The following POMT1 variants were observed in gnomAD, a reference collection of about 807,000 sequenced individuals.
The protein encoded by POMT1 is protein O-mannosyltransferase 1.
Under a neutral mutation model 101.6 loss-of-function variants are expected in POMT1, and 85 were observed. The observed-to-expected ratio is 0.84, with a 90% confidence interval of 0.70 to 1.00. The LOEUF (loss-of-function observed/expected upper bound fraction) is 1.00. POMT1 is among the 50% of genes least tolerant of loss of function. The probability of loss-of-function intolerance (pLI) is 0.00; values close to 1 mark genes in which losing one functional copy is unlikely to be tolerated. For synonymous variants in POMT1, 371 were observed against 383.0 expected (o/e 0.97, Z 0.37); for missense variants, 857 against 930.4 (o/e 0.92, Z 1.03).
chr9:131,512,210 C>A, intron 11 of POMT1, 74 bp downstream of exon 11: 1 of 1,571,170 alleles, frequency 6.4e-7, no homozygotes. Context: ...GGGATGCAGT[C>A]CTGGGCCCCC....
rs895817069 is a variant in POMT1, at chr9:131,519,054, A to G, written c.1486+97A>G. The G allele has an allele frequency of 6.4e-7, 1 of 1,570,710 alleles. No homozygotes were observed. Among genetic ancestry groups the G allele is most frequent in the Non-Finnish European group, 8.6e-7 (1 of 1,159,178 alleles). ...GAGTTCTCATTTTGGTGGGAAGGGAACTGAGCACATTCTCCATGCTCGGTG... is the reference window on the plus strand; with the variant it reads ...GAGTTCTCATTTTGGTGGGAAGGGAGCTGAGCACATTCTCCATGCTCGGTG... On this transcript the variant is annotated intron_variant, in intron 15 of 19. Coordinates refer to ENST00000402686, the MANE Select transcript of POMT1 (RefSeq NM_001077365.2). The surrounding 1 kb of genome is among the most constrained non-coding windows in gnomAD (Gnocchi z 4.3).
chr9:131,519,306 C>A lies in POMT1; in HGVS notation c.1487-83C>A. Reference sequence around the variant, plus strand: ...CTTTGTTAGAAAGGCAGGAAGCCAGCTTTTTGCTGCACTGACAGCTTCTGC... The same window carrying A: ...CTTTGTTAGAAAGGCAGGAAGCCAGATTTTTGCTGCACTGACAGCTTCTGC... On this transcript the variant is annotated intron_variant, in intron 15 of 19. Coordinates refer to ENST00000402686, the MANE Select transcript of POMT1 (RefSeq NM_001077365.2). This position sits in a 1 kb window ranked among gnomAD's most constrained non-coding sequence, Gnocchi z 4.3. The A allele has an allele frequency of 1.4e-6, 2 of 1,382,322 alleles. No homozygotes were observed. The highest frequency in any genetic ancestry group is 2.0e-6 in the Non-Finnish European group (2 of 998,402). 85.6% of individuals were successfully genotyped at this position (1,382,322 alleles called of 1,614,324 possible).
chr9:131,513,341 C>T lies in POMT1; in HGVS notation c.1175+10C>T, dbSNP rs1292261993. On this transcript the variant is annotated intron_variant, in intron 12 of 19. Coordinates refer to ENST00000402686, the MANE Select transcript of POMT1 (RefSeq NM_001077365.2). ...CCCGCTCCCTGAACACGTGAGTGTG[C>T]CCGCCGTCTGCTCTGCTGCACCTGT... The T allele has an allele frequency of 6.2e-7, 1 of 1,607,630 alleles. No individual in the cohort carries two copies. The highest frequency in any genetic ancestry group is 1.3e-5 in the African/African-American group (1 of 74,920).
rs201073763 is a variant in POMT1 at position 131,510,349 on chromosome 9, G to C, written c.789G>C (p.Leu263Phe). ...VLYLLFFYVHLILVFRSGPHD... is the reference protein window; with the variant it reads ...VLYLLFFYVHFILVFRSGPHD... ...ACTTACTGTTCTTCTACGTCCACTT[G>C]ATTCTAGTCTTCCGCTCTGGGCCCC... The change falls in exon 9 of 20, where the codon TTG (leucine) becomes TTC (phenylalanine). Residue 263 changes from leucine (L) to phenylalanine (F), a missense_variant. Physicochemically the swap from Leu to Phe is conservative, Grantham distance 22. Coordinates refer to ENST00000402686, the MANE Select transcript of POMT1 (RefSeq NM_001077365.2). 375 of 1,614,070 alleles carry C rather than the reference G, an allele frequency of 2.3e-4. No homozygotes were observed. The highest frequency in any genetic ancestry group is 3.0e-4 in the Non-Finnish European group (356 of 1,180,036).
intron 18 of POMT1, among the ~76,000 whole-genome samples, chr9:131,521,778 C>T (rs143189520): frequency 2.0e-5 from 3 of 152,322 alleles, no homozygotes; most frequent in Middle Eastern, 3.4e-3. Flanking sequence ...TCGAGTGCAG[C>T]GTATTGGGCA....
chr9:131,511,921 G>T lies in POMT1; in HGVS notation c.987-120G>T, dbSNP rs565295280. The T allele has an allele frequency of 1.0e-4, 97 of 962,146 alleles. 1 individual carries two copies. In the East Asian group the frequency reaches 2.4e-3, roughly 24 times the overall value. 59.6% of individuals were successfully genotyped at this position (962,146 alleles called of 1,614,324 possible). On this transcript the variant is annotated intron_variant, in intron 10 of 19. Coordinates refer to ENST00000402686, the MANE Select transcript of POMT1 (RefSeq NM_001077365.2). ...ACACAGGGTCTCACTATGTTGCCCAGGCTGGTCTCAAACTCCTGGGCTCAA... is the reference window on the plus strand; with the variant it reads ...ACACAGGGTCTCACTATGTTGCCCATGCTGGTCTCAAACTCCTGGGCTCAA...
At chr9:131,513,440 T>C in intron 12 of POMT1, 109 bp downstream of exon 12, 1 of 999,480 alleles carries the variant, frequency 1.0e-6, no homozygotes, top group Non-Finnish European at 1.5e-6. Flanking sequence ...TGTCTACCCA[T>C]CATCTGCATG....
intron 10 of POMT1, 124 bp downstream of exon 10, chr9:131,511,591 C>T (rs1947124283): frequency 7.4e-7 from 1 of 1,353,948 alleles, no homozygotes; most frequent in Non-Finnish European, 1.0e-6. Flanking sequence ...GTTGAGCAGC[C>T]CGGGTGCTGA....
Position 131,510,343 on chromosome 9 carries a change from C to T in POMT1, c.783C>T (p.Val261=), listed in dbSNP as rs765387571. The T allele has an allele frequency of 2.1e-5, 34 of 1,614,074 alleles. No homozygotes were observed. The highest frequency in any genetic ancestry group is 2.8e-5 in the Non-Finnish European group (33 of 1,180,010). ...PVVLYLLFFY[V]HLILVFRSGP... The stretch of plus-strand genomic sequence containing the variant: ...TCCTGTACTTACTGTTCTTCTACGT[C>T]CACTTGATTCTAGTCTTCCGCTCTG... The change falls in exon 9 of 20, where the codon GTC becomes GTT. Residue 261 remains valine (V), a synonymous_variant. Coordinates refer to ENST00000402686, the MANE Select transcript of POMT1 (RefSeq NM_001077365.2).
chr9:131,504,456 GT>G (rs1413750702), intron 2 of POMT1, 116 bp downstream of exon 2: 4 of 1,492,834 alleles, frequency 2.7e-6, no homozygotes, highest in African/African-American at 1.4e-5. Flanking sequence ...GGTGATAGGT[GT>G]TTTTGGCAGT....
rs143617656 is a variant in POMT1 at position 131,522,126 on chromosome 9, G to A, written c.1905G>A (p.Met635Ile). Residue 635 changes from methionine (M) to isoleucine (I), a missense_variant, in exon 19 of 20, where the codon ATG becomes ATA. Transcript: ENST00000402686. The surrounding 1 kb of genome is among the most constrained non-coding windows in gnomAD (Gnocchi z 5.5). ...TGAACTACCTCCCGTTCTTCCTGAT[G>A]GAGAAGACACTCTTCCTCTACCACT... ...WAVNYLPFFLMEKTLFLYHYL... is the reference protein window; with the variant it reads ...WAVNYLPFFLIEKTLFLYHYL... 6.2e-7 allele frequency: 1 copy of A among 1,614,128 alleles called. No homozygotes were observed. The highest frequency in any genetic ancestry group is 8.5e-7 in the Non-Finnish European group (1 of 1,180,038).
chr9:131,511,313 A>G (rs760615776), intron 9 of POMT1, 24 bp from the exon 10 acceptor site: 8 of 1,599,298 alleles, frequency 5.0e-6, no homozygotes, highest in African/African-American at 1.3e-5. Context: ...TCTCTCACTC[A>G]TCAACCTTCT....
chr9:131,522,678 T>G lies in POMT1; in HGVS notation c.2004-254T>G. Reference sequence around the variant, plus strand: ...AAGCCACACAAGGGAGGACCGTGGGTTTGGGACCAGTCCTCTGGCATCTGT... The same window carrying G: ...AAGCCACACAAGGGAGGACCGTGGGGTTGGGACCAGTCCTCTGGCATCTGT... On this transcript the variant is annotated intron_variant, in intron 19 of 19. Transcript: ENST00000402686. The surrounding 1 kb of genome is among the most constrained non-coding windows in gnomAD (Gnocchi z 5.5). The G allele has an allele frequency of 1.7e-6, 1 of 587,364 alleles. No individual in the cohort carries two copies. The highest frequency in any genetic ancestry group is 3.0e-6 in the Non-Finnish European group (1 of 329,540). The allele number at this position is 587,364 out of a possible 1,614,324, so 36.4% of individuals were successfully genotyped here. A position where few individuals can be genotyped will look rare whatever the true frequency, so the allele number is the denominator to read the frequency against.
Position 131,523,001 on chromosome 9 carries a change from C to T in POMT1, c.2073C>T (p.Ser691=), listed in dbSNP as rs1402311644. Residue 691 remains serine, a synonymous_variant, in exon 20 of 20, where the codon TCC becomes TCT. Coordinates refer to ENST00000402686, the MANE Select transcript of POMT1 (RefSeq NM_001077365.2). The stretch of plus-strand genomic sequence containing the variant: ...GGTACTCCTCCGCGTGCCACGTGTC[C>T]AACACGCTGCGCCCACTCACCTACG... The part of the protein sequence containing the change: ...VAWYSSACHV[S]NTLRPLTYGD... The T allele has an allele frequency of 6.2e-7, 1 of 1,608,866 alleles. No individual in the cohort carries two copies. The highest frequency in any genetic ancestry group is 8.5e-7 in the Non-Finnish European group (1 of 1,179,192).
At position 131,519,178 on chromosome 9, in the gene POMT1, C is replaced by T. The variant is rs773675576; in HGVS notation, c.1487-211C>T. The stretch of plus-strand genomic sequence containing the variant: ...CGCTGGAAGGCAACCAGTTTATCCC[C>T]GTGCAAGTGGAGCTTTCTCAGGGTC... On this transcript the variant is annotated intron_variant, in intron 15 of 19. Coordinates refer to ENST00000402686, the MANE Select transcript of POMT1 (RefSeq NM_001077365.2). The surrounding 1 kb of genome is among the most constrained non-coding windows in gnomAD (Gnocchi z 4.3). Among the ~76,000 whole-genome samples the T allele has an allele frequency of 2.6e-5, 4 of 152,186 alleles. No homozygotes were observed. Among genetic ancestry groups the T allele is most frequent in the Non-Finnish European group, 4.4e-5 (3 of 68,036 alleles).
intron 12 of POMT1, among the ~76,000 whole-genome samples, chr9:131,514,269 C>T (rs974501472): frequency 9.2e-5 from 14 of 152,176 alleles, no homozygotes; most frequent in Admixed American, 2.0e-4. Flanking sequence ...CAGTGACTCC[C>T]GTCACCCGCC....
chr9:131,502,989 C>A lies in POMT1; in HGVS notation c.-115C>A, dbSNP rs1352408156. The A allele has an allele frequency of 2.0e-5, 3 of 152,298 alleles. No individual in the cohort carries two copies. The highest frequency in any genetic ancestry group is 4.8e-5 in the African/African-American group (2 of 41,456). 9.4% of individuals were successfully genotyped at this position (152,298 alleles called of 1,614,324 possible). On this transcript the variant is annotated 5_prime_UTR_variant, in exon 1 of 20. Transcript: ENST00000402686. ...GGTGGTGCGGAGTGCCGAGCGGCCT[C>A]ACCCCCAACCGTCGGCCCAGTCGGA... is the stretch of plus-strand genomic sequence containing the variant.
chr9:131,506,928 G>C (rs1339080859), intron 4 of POMT1, among the ~76,000 whole-genome samples: 1 of 151,994 alleles, frequency 6.6e-6, no homozygotes, highest in Non-Finnish European at 1.5e-5. Context: ...TTAGCCGGGC[G>C]TGGTGGCGGG....
At position 131,516,276 on chromosome 9, in the gene POMT1, G is replaced by A. The variant is rs540609333; in HGVS notation, c.1272+754G>A. The stretch of plus-strand genomic sequence containing the variant: ...CCTCACACGGAACACTTCCTCACAC[G>A]GAACACCTCCTCACACGGAACACTT... On this transcript the variant is annotated intron_variant, in intron 13 of 19. Transcript: ENST00000402686. 2.8e-5 allele frequency among the ~76,000 whole-genome samples: 4 copies of A among 142,800 alleles called. No homozygotes were observed. The South Asian group carries it at 9.1e-4, about 32-fold the overall frequency. The allele number at this position is 142,800 out of a possible 152,430, so 93.7% of individuals were successfully genotyped here.
Sources: gnomAD v4.1 joint callset for allele counts (sites outside exome capture counted in the v4.1 genomes callset) on GRCh38, gnomAD v4.1.1 for gene constraint, Gnocchi (gnomAD v3.1) non-coding constraint, MANE v1.5 for transcripts, NCBI Gene and HGNC (gene_info 2026-07-23, HGNC 2026-07-21) for gene names.